NLGN1: variants seen among roughly 807,000 people sequenced by gnomAD.
NLGN1 encodes the protein neuroligin 1.
A neutral mutation model predicts 65.5 loss-of-function variants in NLGN1; 12 were observed. The ratio of observed to expected loss-of-function variants is 0.18; its 90% CI spans 0.12 to 0.30. The LOEUF is 0.30. Among genes scored for constraint, NLGN1 ranks in the 10% least tolerant of loss-of-function variants. The pLI is 1.00. For synonymous variants in NLGN1, 350 were observed against 359.5 expected, an observed-to-expected ratio of 0.97 and a Z score of 0.30; for missense variants, 750 against 1,007.1, an observed-to-expected ratio of 0.74 and a Z score of 3.46.
intron 2 of NLGN1, among the ~76,000 whole-genome samples, chr3:173,530,224 G>A (rs1736338746): frequency 6.6e-6 from 1 of 152,132 alleles, no homozygotes; most frequent in South Asian, 2.1e-4. Context: ...CAAAGTGCTG[G>A]GATTACAGGC....
chr3:173,927,802 G>A (rs1743293898), intron 4 of NLGN1, among the ~76,000 whole-genome samples: 1 of 152,010 alleles, frequency 6.6e-6, no homozygotes, highest in African/African-American at 2.4e-5. Context: ...CAGGTATGCT[G>A]GTGTGTCACA....
intron 4 of NLGN1, among the ~76,000 whole-genome samples, chr3:174,218,908 T>C (rs1448054450): frequency 6.6e-6 from 1 of 152,070 alleles, no homozygotes; most frequent in African/African-American, 2.4e-5. Flanking sequence ...TCCGGGCTGT[T>C]ATTGCCATTT....
intron 3 of NLGN1, among the ~76,000 whole-genome samples, chr3:173,731,823 G>A (rs1253325303): frequency 6.6e-6 from 1 of 152,012 alleles, no homozygotes; most frequent in African/African-American, 2.4e-5. Context: ...TTAGGTTCTT[G>A]TATTATGACT....
chr3:173,836,941 A>G (rs73880595), intron 4 of NLGN1, among the ~76,000 whole-genome samples: 2,237 of 152,280 alleles, frequency 0.015, 67 homozygotes, highest in African/African-American at 0.052. Context: ...TCCTAAATTG[A>G]TCTAAAGGCT....
At chr3:174,082,245 A>G (rs1225315171) in intron 4 of NLGN1, among the ~76,000 whole-genome samples, 7 of 152,208 alleles carry the variant, frequency 4.6e-5, no homozygotes, top group African/African-American at 1.7e-4. Context: ...ATATACATAT[A>G]TTCCCAATAC....
At chr3:174,251,856 T>C (rs1744822664) in intron 4 of NLGN1, among the ~76,000 whole-genome samples, 2 of 152,156 alleles carry the variant, frequency 1.3e-5, no homozygotes, top group Admixed American at 1.3e-4. Flanking sequence ...TTTCTTTGAA[T>C]ATCCTGCCAG....
At chr3:174,113,523 C>G (rs1237910434) in intron 4 of NLGN1, among the ~76,000 whole-genome samples, 1 of 152,008 alleles carries the variant, frequency 6.6e-6, no homozygotes, top group Non-Finnish European at 1.5e-5. Context: ...CTATAACTTT[C>G]TTATCATTCT....
chr3:174,152,887 G>T (rs2152706612), intron 4 of NLGN1, among the ~76,000 whole-genome samples: 1 of 152,180 alleles, frequency 6.6e-6, no homozygotes, highest in African/African-American at 2.4e-5. Flanking sequence ...CTAGTATGAT[G>T]ACTTTTTAAA....
intron 3 of NLGN1, among the ~76,000 whole-genome samples, chr3:173,627,999 C>A (rs992217756): frequency 6.6e-6 from 1 of 151,956 alleles, no homozygotes; most frequent in Non-Finnish European, 1.5e-5. Context: ...GTATTTTTAT[C>A]TTTTGTGTGA....
At position 173,819,686 on chromosome 3, in the gene NLGN1, C is replaced by G. The variant is rs1461778461; in HGVS notation, c.646+11854C>G. Among the ~76,000 whole-genome samples the G allele has an allele frequency of 3.9e-5, 6 of 152,240 alleles. No individual in the cohort carries two copies. The East Asian group carries it at 1.2e-3, about 29-fold the overall frequency. On this transcript the variant is annotated intron_variant, in intron 4 of 6. Coordinates refer to ENST00000457714, the Ensembl canonical transcript of NLGN1. ...AGTCTCTACTTTGGTATGCATAATA[C>G]CAATCCTACTTGTTATGGTTATGTA...
intron 4 of NLGN1, among the ~76,000 whole-genome samples, chr3:174,051,076 C>T (rs1295110491): frequency 4.6e-5 from 7 of 152,078 alleles, no homozygotes; most frequent in African/African-American, 1.7e-4. Context: ...ACTGTACCAA[C>T]TCTGCTTTAA....
At chr3:173,517,578 C>T (rs969505018) in intron 2 of NLGN1, among the ~76,000 whole-genome samples, 1 of 151,798 alleles carries the variant, frequency 6.6e-6, no homozygotes, top group African/African-American at 2.4e-5. Flanking sequence ...CCTCTGTCAC[C>T]CAGTCATGCT....
chr3:173,706,822 C>T (rs1432632995), intron 3 of NLGN1, among the ~76,000 whole-genome samples: 2 of 152,248 alleles, frequency 1.3e-5, no homozygotes, highest in African/African-American at 4.8e-5. Flanking sequence ...CACACACGCC[C>T]ACGCGTGCAC....
intron 4 of NLGN1, among the ~76,000 whole-genome samples, chr3:174,232,685 A>G (rs1300944523): frequency 6.6e-6 from 1 of 152,198 alleles, no homozygotes; most frequent in East Asian, 1.9e-4. Context: ...TGAAAGAGAG[A>G]GAAAGGCCGA....
rs556691590 is a variant in NLGN1 at position 173,747,985 on chromosome 3, A to AGATATGGTG, written c.494-59691_494-59690insTGGTGGATA. The stretch of plus-strand genomic sequence containing the variant: ...TGCCCCACCACCATATTTTTGGTTG[A>AGATATGGTG]GATAGGGTTTTACCATGTTGACCAG... On this transcript the variant is annotated intron_variant, in intron 3 of 6. Transcript: ENST00000457714. Among the ~76,000 whole-genome samples the AGATATGGTG allele has an allele frequency of 3.2e-3, 490 of 151,234 alleles. 2 individuals are homozygous for AGATATGGTG. The highest frequency in any genetic ancestry group is 0.012 in the African/African-American group (481 of 41,192).
intron 4 of NLGN1, among the ~76,000 whole-genome samples, chr3:173,982,070 G>A (rs1370334762): frequency 1.3e-5 from 2 of 152,048 alleles, no homozygotes; most frequent in African/African-American, 4.8e-5. Flanking sequence ...TAATTTATGA[G>A]CAAGGAAACT....
chr3:174,048,871 G>T (rs985299337), intron 4 of NLGN1, among the ~76,000 whole-genome samples: 5 of 151,986 alleles, frequency 3.3e-5, no homozygotes, highest in African/African-American at 1.2e-4. Flanking sequence ...AGGTACCACA[G>T]AATATTTTTT....
chr3:173,724,484 C>A, intron 3 of NLGN1: 1 of 213,226 alleles, frequency 4.7e-6, no homozygotes, highest in South Asian at 6.1e-5. Context: ...CCATGTTACG[C>A]AGGCTGGTCT....
intron 2 of NLGN1, among the ~76,000 whole-genome samples, chr3:173,546,010 G>T (rs1200418326): frequency 2.6e-5 from 4 of 152,074 alleles, no homozygotes; most frequent in Non-Finnish European, 2.9e-5. Context: ...GGGTTGATAG[G>T]TGCAGCAAAC....
Sources: allele counts gnomAD v4.1 joint callset (sites outside exome capture counted in the v4.1 genomes callset), GRCh38; gene constraint gnomAD v4.1.1; transcripts MANE v1.5; gene names NCBI Gene and HGNC (gene_info 2026-07-23, HGNC 2026-07-21).